Variants in WDFY3 observed in about 807,000 individuals in gnomAD.
WDFY3 encodes WD repeat and FYVE domain-containing protein 3.
In WDFY3, 66 loss-of-function variants were observed where a neutral mutation model predicts 409.6. That is an observed-to-expected ratio of 0.16 (90% CI 0.13 to 0.20). The LOEUF is 0.20. Ranked by LOEUF, WDFY3 falls within the 10% of genes least tolerant of loss-of-function variation. The pLI, the probability that WDFY3 is intolerant of heterozygous loss-of-function variation, is 1.00. For missense variants in WDFY3, 3,031 were observed against 4,298.1 expected, an observed-to-expected ratio of 0.71 and a Z score of 8.24; for synonymous variants, 1,521 against 1,537.1, an observed-to-expected ratio of 0.99 and a Z score of 0.25.
chr4:84,949,398 T>G (rs929195638), intron 1 of WDFY3, among the ~76,000 whole-genome samples: 1 of 152,132 alleles, frequency 6.6e-6, no homozygotes, highest in Non-Finnish European at 1.5e-5. Context: ...CCAGATAAAT[T>G]TTAAAATAGG....
intron 3 of WDFY3, among the ~76,000 whole-genome samples, chr4:84,882,925 G>A (rs567234858): frequency 7.9e-5 from 12 of 152,070 alleles, no homozygotes; most frequent in Non-Finnish European, 1.6e-4. Context: ...CCAGGTTGGT[G>A]TCAAACTCTG....
chr4:84,679,869 C>CGT (rs200864989), intron 64 of WDFY3, among the ~76,000 whole-genome samples: 28 of 148,318 alleles, frequency 1.9e-4, no homozygotes, highest in South Asian at 8.6e-4. Context: ...CACACACGTA[C>CGT]GTGTGTATAT....
At chr4:84,931,299 A>T (rs1770735118) in intron 2 of WDFY3, among the ~76,000 whole-genome samples, 1 of 152,218 alleles carries the variant, frequency 6.6e-6, no homozygotes, top group South Asian at 2.1e-4. Flanking sequence ...CAAAGCTTTT[A>T]AATTACCATG....
chr4:84,855,987 G>A (rs1203735220), intron 4 of WDFY3, among the ~76,000 whole-genome samples: 1 of 152,124 alleles, frequency 6.6e-6, no homozygotes, highest in Non-Finnish European at 1.5e-5. Context: ...CAGTGACTGG[G>A]TAAGTAAACA....
At position 84,844,575 on chromosome 4, in the gene WDFY3, A is replaced by G. The variant is rs141355091; in HGVS notation, c.305-3312T>C. 2.2e-3 allele frequency: 2,773 copies of G among 1,232,804 alleles called. 14 individuals are homozygous for G. Among genetic ancestry groups the G allele is most frequent in the African/African-American group, 0.021 (1,355 of 64,754 alleles). The allele number at this position is 1,232,804 out of a possible 1,614,324, so 76.4% of individuals were successfully genotyped here. A position where few individuals can be genotyped will look rare whatever the true frequency, so the allele number is the denominator to read the frequency against. ...ACTAAATTCCACTAATCCCACCACA[A>G]GAGTACTGGGGTCAACATCATCCAG... On this transcript the variant is annotated intron_variant, in intron 5 of 67. Transcript: ENST00000295888.
chr4:84,724,513 C>A lies in WDFY3; in HGVS notation c.7354G>T (p.Val2452Phe). ...MRLASGNPAIVQDAIVESSEG... is the reference protein window; with the variant it reads ...MRLASGNPAIFQDAIVESSEG... ...GAACTCTCCACAATGGCGTCTTGGA[C>A]AATGGCGGGATTGCCAGAGGCCAGT... The change falls in exon 46 of 68, where the codon GTC becomes TTC. Residue 2452 changes from valine to phenylalanine, a missense_variant. Transcript: ENST00000295888. The A allele has an allele frequency of 6.2e-7, 1 of 1,614,166 alleles. No individual in the cohort carries two copies. Among genetic ancestry groups the A allele is most frequent in the Non-Finnish European group, 8.5e-7 (1 of 1,180,014 alleles).
intron 64 of WDFY3, among the ~76,000 whole-genome samples, chr4:84,680,566 A>C (rs1054706275): frequency 1.3e-4 from 20 of 152,200 alleles, no homozygotes; most frequent in Non-Finnish European, 2.5e-4. Context: ...CTTGCAATAA[A>C]GTCTACTGGA....
chr4:84,810,592 T>C lies in WDFY3; in HGVS notation c.1888-248A>G, dbSNP rs561804678. ...ATAGAATAAAGCTACATCCAAATATTGGCTGAAAAGCTTTTCCAGAGTCTT... is the reference window on the plus strand; with the variant it reads ...ATAGAATAAAGCTACATCCAAATATCGGCTGAAAAGCTTTTCCAGAGTCTT... On this transcript the variant is annotated intron_variant, in intron 13 of 67. Transcript: ENST00000295888. Among the ~76,000 whole-genome samples, 3 of 152,330 alleles carry C rather than the reference T, an allele frequency of 2.0e-5. No homozygotes were observed. In the East Asian group the frequency reaches 5.8e-4, roughly 29 times the overall value.
intron 67 of WDFY3, among the ~76,000 whole-genome samples, chr4:84,676,558 T>C (rs2148723068): frequency 6.6e-6 from 1 of 151,736 alleles, no homozygotes; most frequent in East Asian, 1.9e-4. Flanking sequence ...TTTATAGGGA[T>C]GTGCATTGTA....
At position 84,715,272 on chromosome 4, in the gene WDFY3, TAC is replaced by T. The variant is rs761002491; in HGVS notation, c.7961+24_7961+25del. ...CCTCCCATATCTTCCCATAATAGTA[TAC>T]AAAGTGTTCCGAATAAACAAGACCT... On this transcript the variant is annotated intron_variant, in intron 50 of 67. Transcript: ENST00000295888. 3 of 1,408,144 alleles carry T rather than the reference TAC, an allele frequency of 2.1e-6. No homozygotes were observed. In the Admixed American group the frequency reaches 5.2e-5, roughly 24 times the overall value. 87.2% of individuals were successfully genotyped at this position (1,408,144 alleles called of 1,614,324 possible).
intron 25 of WDFY3, among the ~76,000 whole-genome samples, chr4:84,780,848 C>G (rs1324151633): frequency 6.6e-6 from 1 of 152,022 alleles, no homozygotes; most frequent in African/African-American, 2.4e-5. Context: ...TTAGAGAAGA[C>G]TGGGTGTAGA....
chr4:84,818,877 G>A (rs1753687142), intron 12 of WDFY3, among the ~76,000 whole-genome samples: 2 of 152,070 alleles, frequency 1.3e-5, no homozygotes, highest in South Asian at 4.1e-4. Context: ...TGCAGAGTAA[G>A]CTCTCCAATT....
In WDFY3 at chr4:84,698,291, T is replaced by TATA. The variant is rs200509418; in HGVS notation, c.8597-1469_8597-1468insTAT. On this transcript the variant is annotated intron_variant, in intron 56 of 67. Transcript: ENST00000295888. ...ATTCTATATAATATATATATATATA[T>TATA]TTTTTTTTTTTGAGACAGGGTCTTG... 2.9e-3 allele frequency among the ~76,000 whole-genome samples: 359 copies of TATA among 124,456 alleles called. 5 individuals are homozygous for TATA. The highest frequency in any genetic ancestry group is 8.7e-3 in the African/African-American group (313 of 35,968). 81.6% of individuals were successfully genotyped at this position (124,456 alleles called of 152,430 possible). A position where few individuals can be genotyped will look rare whatever the true frequency, so the allele number is the denominator to read the frequency against.
chr4:84,924,958 A>G (rs1257826816), intron 2 of WDFY3, among the ~76,000 whole-genome samples: 2 of 152,204 alleles, frequency 1.3e-5, no homozygotes. Flanking sequence ...ACTTCCATGA[A>G]AAACCTCATA....
chr4:84,770,097 C>G (rs1270074862), intron 30 of WDFY3, among the ~76,000 whole-genome samples: 2 of 151,690 alleles, frequency 1.3e-5, no homozygotes, highest in East Asian at 3.9e-4. Context: ...GGCGTGATCT[C>G]TGCTCACTGC....
intron 2 of WDFY3, among the ~76,000 whole-genome samples, chr4:84,917,928 A>G (rs1222310786): frequency 6.6e-6 from 1 of 152,164 alleles, no homozygotes; most frequent in East Asian, 1.9e-4. Flanking sequence ...CCCTATATAT[A>G]TGGCTCTGAT....
chr4:84,944,362 T>G (rs1278831186), intron 1 of WDFY3, among the ~76,000 whole-genome samples: 1 of 151,460 alleles, frequency 6.6e-6, no homozygotes, highest in Non-Finnish European at 1.5e-5. Flanking sequence ...CGAAAAAAAT[T>G]AAAATAAAAA....
At position 84,775,121 on chromosome 4, in the gene WDFY3, T is replaced by C. The variant is rs751002323; in HGVS notation, c.4536A>G (p.Pro1512=). ...CAAATAAGGAAAGATGAAGTTCATA[T>C]GGTGCATGGAGCCAGACCTATAATA... The part of the protein sequence containing the change: ...LCDFEVWLHA[P]YELHLSLFEH... The change falls in exon 28 of 68, where the codon CCA becomes CCG. Residue 1512 remains proline (P), a synonymous_variant. Coordinates refer to ENST00000295888, the MANE Select transcript of WDFY3 (RefSeq NM_014991.6). 3.1e-6 allele frequency: 5 copies of C among 1,613,374 alleles called. No individual in the cohort carries two copies. The highest frequency in any genetic ancestry group is 1.3e-5 in the African/African-American group (1 of 75,030).
intron 17 of WDFY3, among the ~76,000 whole-genome samples, 198 bp downstream of exon 17, chr4:84,801,452 C>A (rs1750547625): frequency 6.6e-6 from 1 of 152,138 alleles, no homozygotes; most frequent in Non-Finnish European, 1.5e-5. Flanking sequence ...AACTGATGGA[C>A]AGAAACACTA....
Sources: allele counts gnomAD v4.1 joint callset (sites outside exome capture counted in the v4.1 genomes callset), GRCh38; gene constraint gnomAD v4.1.1; transcripts MANE v1.5; gene names NCBI Gene and HGNC (gene_info 2026-07-23, HGNC 2026-07-21).